The following ZNF410 variants were observed in gnomAD, a reference collection of about 807,000 sequenced individuals.
The protein encoded by ZNF410 is another partner for ARF 1.
In ZNF410, 18 loss-of-function variants were observed where a neutral mutation model predicts 54.8. The observed-to-expected ratio is 0.33, with a 90% confidence interval of 0.23 to 0.49. ZNF410 has a LOEUF of 0.49. ZNF410 is among the 20% of genes least tolerant of loss of function. The pLI is 0.99. For missense variants in ZNF410, 405 were observed against 569.6 expected, an observed-to-expected ratio of 0.71 and a Z score of 2.94; for synonymous variants, 191 against 207.3, an observed-to-expected ratio of 0.92 and a Z score of 0.68.
At chr14:73,894,305 C>T (rs1200507156) in intron 3 of ZNF410, 1 of 700,370 alleles carries the variant, frequency 1.4e-6, no homozygotes, top group East Asian at 2.7e-5. Flanking sequence ...TCAAATGCTA[C>T]TGACAGGCCC....
intron 8 of ZNF410, among the ~76,000 whole-genome samples, chr14:73,912,132 C>T (rs2055589067): frequency 1.3e-5 from 2 of 151,118 alleles, no homozygotes; most frequent in Non-Finnish European, 2.9e-5. Flanking sequence ...CTGGCCTGAT[C>T]CCTGTATTAT....
At chr14:73,898,031 T>C (rs752599377) in intron 4 of ZNF410, 40 bp from the exon 5 acceptor site, 10 of 1,553,690 alleles carry the variant, frequency 6.4e-6, no homozygotes, top group Non-Finnish European at 8.7e-6. Flanking sequence ...ATAAAAAGCT[T>C]GCTTGGTTTC....
intron 7 of ZNF410, among the ~76,000 whole-genome samples, chr14:73,907,575 A>G (rs528214715): frequency 6.6e-6 from 1 of 151,278 alleles, no homozygotes; most frequent in African/African-American, 2.4e-5. Context: ...ATCCTAGGAG[A>G]CAGAGCGAGA....
chr14:73,893,832 A>C lies in ZNF410; in HGVS notation c.69A>C (p.Pro23=), dbSNP rs759968211. 6.2e-7 allele frequency: 1 copy of C among 1,613,748 alleles called. No individual in the cohort carries two copies. The highest frequency in any genetic ancestry group is 1.1e-5 in the South Asian group (1 of 90,976). The part of the protein sequence containing the change: ...LVQFVQNTSI[P]LGQGLVESEA... ...AGTTTGTTCAGAATACGTCCATCCC[A>C]TTGGGACAGGGGCTTGTAGAATCAG... Residue 23 remains proline (P), a synonymous_variant, in exon 3 of 12, where the codon CCA becomes CCC. Coordinates refer to ENST00000555044, the MANE Select transcript of ZNF410 (RefSeq NM_021188.3).
At chr14:73,904,845 G>A in intron 6 of ZNF410, 57 bp from the exon 7 acceptor site, 2 of 1,567,352 alleles carry the variant, frequency 1.3e-6, no homozygotes, top group Non-Finnish European at 1.7e-6. Context: ...GCTTTGACTT[G>A]TCATCTCTAG....
chr14:73,907,894 G>GAA (rs113294277), intron 7 of ZNF410, among the ~76,000 whole-genome samples: 2 of 135,824 alleles, frequency 1.5e-5, no homozygotes, highest in African/African-American at 5.7e-5. Flanking sequence ...ACTCTGTCTT[G>GAA]AAAAAAAAAA....
chr14:73,887,682 A>G (rs927182288), intron 1 of ZNF410, among the ~76,000 whole-genome samples: 2 of 152,208 alleles, frequency 1.3e-5, no homozygotes, highest in African/African-American at 2.4e-5. Flanking sequence ...ACATTTGGAA[A>G]TAAAGTCGGG....
intron 7 of ZNF410, 187 bp downstream of exon 7, chr14:73,905,270 T>C: frequency 1.6e-6 from 1 of 625,038 alleles, no homozygotes. Flanking sequence ...TTTTTACCTG[T>C]GTGTGTAGAG....
chr14:73,905,902 CATATATACACATACAT>C (rs1282782609), intron 7 of ZNF410, among the ~76,000 whole-genome samples: 1 of 149,130 alleles, frequency 6.7e-6, no homozygotes, highest in Non-Finnish European at 1.5e-5. Flanking sequence ...TATATACATA[CATATATACACATACAT>C]ATATATACAC....
chr14:73,924,680 TTTC>T (rs2055802671), intron 11 of ZNF410: 3 of 446,602 alleles, frequency 6.7e-6, no homozygotes, highest in South Asian at 4.7e-5. Context: ...CCTCTTTTCT[TTTC>T]TTTTTTTTTT....
intron 1 of ZNF410, among the ~76,000 whole-genome samples, chr14:73,891,508 C>T (rs1017391031): frequency 1.3e-5 from 2 of 152,092 alleles, no homozygotes; most frequent in Admixed American, 6.5e-5. Flanking sequence ...TGCCTGCGAC[C>T]ATGCTCAGCT....
Position 73,905,991 on chromosome 14 carries a change from A to ATATATATATATATATG in ZNF410, c.913+912_913+913insTATATATATATGTATA, listed in dbSNP as rs1491231212. ...CACATATATATATATATATATATAT[A>ATATATATATATATATG]TATACACACATACTTTTTTTTTTTT... On this transcript the variant is annotated intron_variant, in intron 7 of 11. Coordinates refer to ENST00000555044, the MANE Select transcript of ZNF410 (RefSeq NM_021188.3). Among the ~76,000 whole-genome samples, 982 of 141,328 alleles carry ATATATATATATATATG rather than the reference A, an allele frequency of 6.9e-3. 19 individuals are homozygous for ATATATATATATATATG. The highest frequency in any genetic ancestry group is 0.022 in the African/African-American group (796 of 35,792). The allele number at this position is 141,328 out of a possible 152,430, so 92.7% of individuals were successfully genotyped here. A position where few individuals can be genotyped will look rare whatever the true frequency, so the allele number is the denominator to read the frequency against.
At position 73,895,821 on chromosome 14, in the gene ZNF410, G is replaced by A. The variant is rs182935886; in HGVS notation, c.170-495G>A. On this transcript the variant is annotated intron_variant, in intron 3 of 11. Coordinates refer to ENST00000555044, the MANE Select transcript of ZNF410 (RefSeq NM_021188.3). The stretch of plus-strand genomic sequence containing the variant: ...AAAAATGCAAAAGTTAACCAGGTGT[G>A]GTGGCACAGAAAAAATAACCGCAGC... Among the ~76,000 whole-genome samples, 348 of 152,212 alleles carry A rather than the reference G, an allele frequency of 2.3e-3. 1 individual carries two copies. Among genetic ancestry groups the A allele is most frequent in the Non-Finnish European group, 3.5e-3 (236 of 68,010 alleles).
intron 5 of ZNF410, chr14:73,902,094 A>G (rs1342332799): frequency 7.2e-6 from 1 of 139,728 alleles, no homozygotes; most frequent in African/African-American, 2.6e-5. Context: ...TTTGAAACGG[A>G]GTCTCGCTCT....
chr14:73,921,030 G>A lies in ZNF410; in HGVS notation c.1054G>A (p.Gly352Arg). 6.2e-7 allele frequency: 1 copy of A among 1,613,994 alleles called. No individual in the cohort carries two copies. The highest frequency in any genetic ancestry group is 8.5e-7 in the Non-Finnish European group (1 of 1,179,974). The change falls in exon 9 of 12, where the codon GGA becomes AGA. Residue 352 changes from glycine (G) to arginine (R), a missense_variant. This residue lies in a region of ZNF410 where 31 missense variants were observed against 85.5 expected (regional missense o/e 0.36). Transcript: ENST00000555044. ...CTGTGGGAAGACCTTCTCTCAGAGT[G>A]GAAGCAGGAATGTGCATATGAGAAA... is the stretch of plus-strand genomic sequence containing the variant. ...QVCGKTFSQSGSRNVHMRKHH... is the reference protein window; with the variant it reads ...QVCGKTFSQSRSRNVHMRKHH...
rs11330316 is a variant in ZNF410, at chr14:73,889,431, C to CAAAAAA, written c.-150+2533_-150+2538dup. On this transcript the variant is annotated intron_variant, in intron 1 of 11. Transcript: ENST00000555044. ...TGCGTGACAGAGCGAGACTCAGTCTCAAAAAAAAAAAAAAAAAAAAAAGAA... is the reference window on the plus strand; with the variant it reads ...TGCGTGACAGAGCGAGACTCAGTCTCAAAAAAAAAAAAAAAAAAAAAAAAAAAAGAA... Among the ~76,000 whole-genome samples, 23 of 84,776 alleles carry CAAAAAA rather than the reference C, an allele frequency of 2.7e-4. 1 individual carries two copies. The highest frequency in any genetic ancestry group is 1.1e-3 in the East Asian group (3 of 2,768). 55.6% of individuals were successfully genotyped at this position (84,776 alleles called of 152,430 possible). A position where few individuals can be genotyped will look rare whatever the true frequency, so the allele number is the denominator to read the frequency against.
At position 73,905,944 on chromosome 14, in the gene ZNF410, TACAC is replaced by T. The variant is rs869151597; in HGVS notation, c.913+883_913+886del. Among the ~76,000 whole-genome samples the T allele has an allele frequency of 7.1e-3, 546 of 76,462 alleles. 12 individuals carry two copies. The highest frequency in any genetic ancestry group is 0.026 in the African/African-American group (468 of 17,696). The allele number at this position is 76,462 out of a possible 152,430, so 50.2% of individuals were successfully genotyped here. ...ATATATACACATACATACATATATA[TACAC>T]ACACACACACACACACACACATATA... On this transcript the variant is annotated intron_variant, in intron 7 of 11. Transcript: ENST00000555044.
At chr14:73,924,303 G>T (rs2055796826) in intron 11 of ZNF410, among the ~76,000 whole-genome samples, 2 of 152,168 alleles carry the variant, frequency 1.3e-5, no homozygotes. Context: ...GATCTGACAG[G>T]AGAGGTGGAG....
chr14:73,905,966 CACATATAT>C (rs1383339662), intron 7 of ZNF410, among the ~76,000 whole-genome samples: 4 of 66,624 alleles, frequency 6.0e-5, no homozygotes, highest in African/African-American at 1.8e-4. Flanking sequence ...CACACACACA[CACATATAT>C]ATATATATAT....
Sources: allele counts gnomAD v4.1 joint callset (sites outside exome capture counted in the v4.1 genomes callset), GRCh38; gene constraint gnomAD v4.1.1; regional missense constraint gnomAD v4.1.1; transcripts MANE v1.5; gene names NCBI Gene and HGNC (gene_info 2026-07-23, HGNC 2026-07-21).